Variants in VAV2 observed in about 807,000 individuals in gnomAD.
VAV2 encodes vav guanine nucleotide exchange factor 2.
In VAV2, 67 loss-of-function variants were observed where a neutral mutation model predicts 132.5. The observed-to-expected ratio is 0.51, with a 90% confidence interval of 0.42 to 0.62. The LOEUF is 0.62. VAV2 is among the 20% of genes least tolerant of loss of function. The probability of loss-of-function intolerance (pLI) is 0.00; values close to 1 mark genes in which losing one functional copy is unlikely to be tolerated. For missense variants in VAV2, 938 were observed against 1,153.6 expected, an observed-to-expected ratio of 0.81 and a Z score of 2.71; for synonymous variants, 492 against 443.5, an observed-to-expected ratio of 1.11 and a Z score of -1.37.
intron 3 of VAV2, among the ~76,000 whole-genome samples, chr9:133,860,838 T>G (rs1837566065): frequency 6.6e-6 from 1 of 152,096 alleles, no homozygotes; most frequent in Non-Finnish European, 1.5e-5. Flanking sequence ...CATCCAAGTG[T>G]CAGAAGCAGG....
chr9:133,942,717 C>T (rs1040823260), intron 1 of VAV2, among the ~76,000 whole-genome samples: 4 of 152,240 alleles, frequency 2.6e-5, no homozygotes, highest in African/African-American at 9.6e-5. Flanking sequence ...CCCAGCGCAC[C>T]CCTTTCCCAT....
At chr9:133,832,447 AGCCCT>A (rs1364418251) in intron 4 of VAV2, among the ~76,000 whole-genome samples, 1 of 152,212 alleles carries the variant, frequency 6.6e-6, no homozygotes, top group Non-Finnish European at 1.5e-5. Flanking sequence ...ACCAGCCAGA[AGCCCT>A]GCCCTCTCTG....
intron 2 of VAV2, among the ~76,000 whole-genome samples, chr9:133,904,536 C>T (rs562797221): frequency 1.8e-4 from 27 of 152,384 alleles, no homozygotes; most frequent in Non-Finnish European, 3.4e-4. Context: ...GCCCCTGCAA[C>T]AAAGCACGTG....
At chr9:133,785,276 G>A (rs894453069) in intron 17 of VAV2, among the ~76,000 whole-genome samples, 2 of 152,332 alleles carry the variant, frequency 1.3e-5, no homozygotes, top group African/African-American at 4.8e-5. Context: ...GCCCTCCAGG[G>A]TCCGTGTTCC....
At chr9:133,938,310 G>A (rs989834464) in intron 2 of VAV2, among the ~76,000 whole-genome samples, 1 of 152,122 alleles carries the variant, frequency 6.6e-6, no homozygotes, top group Non-Finnish European at 1.5e-5. Context: ...GTCCAGCCCC[G>A]AATCCATCAG....
rs1028288440 is a variant in VAV2, at chr9:133,840,245, A to G, written c.381-5905T>C. On this transcript the variant is annotated intron_variant, in intron 3 of 29. Transcript: ENST00000371850. This position sits in a 1 kb window ranked among gnomAD's most constrained non-coding sequence, Gnocchi z 4.5. ...CATTTCCTCGTGCCCGGCTTCGGGAAGCAGAGTTTCCCACTGCACCGCCGA... is the reference window on the plus strand; with the variant it reads ...CATTTCCTCGTGCCCGGCTTCGGGAGGCAGAGTTTCCCACTGCACCGCCGA... 6.6e-6 allele frequency among the ~76,000 whole-genome samples: 1 copy of G among 152,190 alleles called. No individual in the cohort carries two copies. Among genetic ancestry groups the G allele is most frequent in the African/African-American group, 2.4e-5 (1 of 41,444 alleles).
intron 9 of VAV2, among the ~76,000 whole-genome samples, chr9:133,800,603 T>G (rs1247286732): frequency 6.6e-6 from 1 of 152,140 alleles, no homozygotes; most frequent in African/African-American, 2.4e-5. Context: ...TCGAGGCAAG[T>G]CTTCATGTAG....
chr9:133,861,362 C>G lies in VAV2; in HGVS notation c.380+12G>C. 6.2e-7 allele frequency: 1 copy of G among 1,609,468 alleles called. No homozygotes were observed. Among genetic ancestry groups the G allele is most frequent in the South Asian group, 1.1e-5 (1 of 90,154 alleles). ...AGGACCCGGCCTTGGCAGCGCACTC[C>G]GGAGAGCTCACCTGATCCCTTTGTT... is the stretch of plus-strand genomic sequence containing the variant. On this transcript the variant is annotated intron_variant, in intron 3 of 29. Coordinates refer to ENST00000371850, the MANE Select transcript of VAV2 (RefSeq NM_001134398.2).
Position 133,834,984 on chromosome 9 carries a change from G to A in VAV2, c.381-644C>T, listed in dbSNP as rs756956211. ...GGGGTCTCCCCAGAAGGAACGCGGC[G>A]GTGCTCCCCCACACTCCGCCCTCCA... On this transcript the variant is annotated intron_variant, in intron 3 of 29. Coordinates refer to ENST00000371850, the MANE Select transcript of VAV2 (RefSeq NM_001134398.2). This position sits in a 1 kb window ranked among gnomAD's most constrained non-coding sequence, Gnocchi z 5.9. Among the ~76,000 whole-genome samples, 2 of 152,128 alleles carry A rather than the reference G, an allele frequency of 1.3e-5. No homozygotes were observed. Among genetic ancestry groups the A allele is most frequent in the Non-Finnish European group, 2.9e-5 (2 of 68,018 alleles).
chr9:133,861,422 G>A lies in VAV2; in HGVS notation c.332C>T (p.Ala111Val), dbSNP rs199806132. The change falls in exon 3 of 30, where the codon GCG becomes GTG. Residue 111 changes from alanine to valine, a missense_variant. Ala to Val is a moderately conservative substitution (Grantham distance 64). Coordinates refer to ENST00000371850, the MANE Select transcript of VAV2 (RefSeq NM_001134398.2). ...DVRDFGKVIS[A>V]VSRLSLHSIA... ...GCTGTGCAGGGAGAGCCTCGACACC[G>A]CGGAGATGACCTGGGGGAGACAAGA... 4.4e-5 allele frequency: 71 copies of A among 1,613,298 alleles called. 1 individual carries two copies. Among genetic ancestry groups the A allele is most frequent in the Admixed American group, 2.8e-4 (17 of 59,958 alleles).
At chr9:133,906,850 C>T (rs967172781) in intron 2 of VAV2, among the ~76,000 whole-genome samples, 4 of 152,174 alleles carry the variant, frequency 2.6e-5, no homozygotes, top group East Asian at 1.9e-4. Context: ...GGCTCTACAC[C>T]GGGGGCCACT....
At chr9:133,852,175 T>C (rs1183334137) in intron 3 of VAV2, among the ~76,000 whole-genome samples, 1 of 151,372 alleles carries the variant, frequency 6.6e-6, no homozygotes, top group African/African-American at 2.4e-5. Flanking sequence ...GGTGGGTAGA[T>C]GTAGCGATGA....
intron 1 of VAV2, among the ~76,000 whole-genome samples, chr9:133,962,427 G>A (rs982005153): frequency 6.6e-6 from 1 of 152,166 alleles, no homozygotes; most frequent in African/African-American, 2.4e-5. Flanking sequence ...GCAGAGGGGT[G>A]CGGGTGTCCC....
chr9:133,856,935 G>A (rs943081793), intron 3 of VAV2, among the ~76,000 whole-genome samples: 9 of 152,120 alleles, frequency 5.9e-5, no homozygotes, highest in African/African-American at 1.7e-4. Flanking sequence ...CCTAGCAGCC[G>A]CGGGCCTTCC....
At position 133,951,630 on chromosome 9, in the gene VAV2, G is replaced by A. The variant is rs116112174; in HGVS notation, c.205-12411C>T. On this transcript the variant is annotated intron_variant, in intron 1 of 29. Coordinates refer to ENST00000371850, the MANE Select transcript of VAV2 (RefSeq NM_001134398.2). Reference sequence around the variant, plus strand: ...CTGCCCTTCACCTCTCAGAGCCTCAGTTTCCTCACCTGTCAAGCAGGGGTG... The same window carrying A: ...CTGCCCTTCACCTCTCAGAGCCTCAATTTCCTCACCTGTCAAGCAGGGGTG... 3.2e-3 allele frequency among the ~76,000 whole-genome samples: 491 copies of A among 152,128 alleles called. 3 individuals are homozygous for A. Among genetic ancestry groups the A allele is most frequent in the Middle Eastern group, 0.02 (6 of 294 alleles).
intron 2 of VAV2, among the ~76,000 whole-genome samples, chr9:133,907,808 A>G (rs1839717383): frequency 6.6e-6 from 1 of 152,234 alleles, no homozygotes; most frequent in South Asian, 2.1e-4. Context: ...GTCCAACTGC[A>G]GTGGCACAGA....
intron 17 of VAV2, 141 bp downstream of exon 17, chr9:133,785,635 G>A: frequency 3.0e-6 from 2 of 668,286 alleles, no homozygotes; most frequent in Non-Finnish European, 5.2e-6. Flanking sequence ...GGGTGATGGA[G>A]GTTGTCTGTG....
At position 133,883,571 on chromosome 9, in the gene VAV2, C is replaced by T. The variant is rs1471571480; in HGVS notation, c.322-22139G>A. 1.3e-5 allele frequency among the ~76,000 whole-genome samples: 2 copies of T among 152,162 alleles called. No homozygotes were observed. The highest frequency in any genetic ancestry group is 2.9e-5 in the Non-Finnish European group (2 of 68,018). On this transcript the variant is annotated intron_variant, in intron 2 of 29. Coordinates refer to ENST00000371850, the MANE Select transcript of VAV2 (RefSeq NM_001134398.2). The surrounding 1 kb of genome is among the most constrained non-coding windows in gnomAD (Gnocchi z 4.2). ...GCAGGCAGACAGCCCAGCAGAGACT[C>T]CCAAGTCATCCCCAGCCACGGCAGG...
intron 2 of VAV2, among the ~76,000 whole-genome samples, chr9:133,917,896 C>G (rs1027334703): frequency 6.6e-6 from 1 of 152,196 alleles, no homozygotes; most frequent in African/African-American, 2.4e-5. Flanking sequence ...CCTGGAGACC[C>G]TGGTCCCCCG....
Sources: allele counts gnomAD v4.1 joint callset (sites outside exome capture counted in the v4.1 genomes callset), GRCh38; gene constraint gnomAD v4.1.1; non-coding constraint Gnocchi (gnomAD v3.1); transcripts MANE v1.5; gene names NCBI Gene and HGNC (gene_info 2026-07-23, HGNC 2026-07-21).